Variants in CDK14 observed in about 807,000 individuals in gnomAD.
CDK14 encodes cyclin dependent kinase 14.
CDK14 carries 34 observed loss-of-function variants against 60.7 expected under a neutral mutation model. That is an observed-to-expected ratio of 0.56 (90% CI 0.43 to 0.75). The LOEUF (loss-of-function observed/expected upper bound fraction) is 0.75, where lower values mean the gene tolerates loss of function less well. CDK14 is among the 30% of genes least tolerant of loss of function. The pLI, the probability that CDK14 is intolerant of heterozygous loss-of-function variation, is 0.00. For synonymous variants in CDK14, 197 were observed against 203.7 expected, an observed-to-expected ratio of 0.97 and a Z score of 0.28; for missense variants, 482 against 564.1, an observed-to-expected ratio of 0.85 and a Z score of 1.47.
At chr7:90,608,982 T>A (rs1799479943) in intron 2 of CDK14, among the ~76,000 whole-genome samples, 1 of 152,210 alleles carries the variant, frequency 6.6e-6, no homozygotes, top group Admixed American at 6.5e-5. Flanking sequence ...CCCTCTTTGT[T>A]ATTTTATATA....
chr7:90,880,454 G>C (rs1303384217), intron 6 of CDK14, among the ~76,000 whole-genome samples: 1 of 152,154 alleles, frequency 6.6e-6, no homozygotes, highest in Non-Finnish European at 1.5e-5. Context: ...TGAAACCCTA[G>C]GGGGAGGAGT....
Position 91,185,914 on chromosome 7 carries a change from C to A in CDK14, c.*29-21251C>A, listed in dbSNP as rs922607485. Among the ~76,000 whole-genome samples the A allele has an allele frequency of 2.6e-5, 4 of 152,162 alleles. No homozygotes were observed. In the East Asian group the frequency reaches 7.7e-4, roughly 29 times the overall value. The stretch of plus-strand genomic sequence containing the variant: ...ACTTTCTATTCCCACTTCCCCCAAA[C>A]CCCCACAGCCTCAGGCAACTACTCA... On this transcript the variant is annotated intron_variant, in intron 14 of 14. Transcript: ENST00000380050.
intron 4 of CDK14, among the ~76,000 whole-genome samples, chr7:90,778,846 A>ATCTTCCTTCCTT (rs1554335028): frequency 7.8e-6 from 1 of 127,864 alleles, no homozygotes; most frequent in African/African-American, 3.1e-5. Flanking sequence ...AAATTGACCG[A>ATCTTCCTTCCTT]CCTTCCTTCC....
intron 2 of CDK14, among the ~76,000 whole-genome samples, chr7:90,723,539 A>G (rs1802531374): frequency 6.6e-6 from 1 of 152,192 alleles, no homozygotes; most frequent in Admixed American, 6.5e-5. Context: ...GCACCAAAAT[A>G]GAAGAAACAT....
At chr7:91,051,016 A>C (rs567787007) in intron 11 of CDK14, among the ~76,000 whole-genome samples, 1 of 152,328 alleles carries the variant, frequency 6.6e-6, no homozygotes, top group Non-Finnish European at 1.5e-5. Context: ...GTCCTTCTAA[A>C]GAACAGTTTA....
chr7:90,863,232 A>G lies in CDK14; in HGVS notation c.602A>G (p.His201Arg), dbSNP rs950528805. Reference protein sequence around the residue: ...ANIVLLHDIIHTKETLTLVFE... With the variant: ...ANIVLLHDIIRTKETLTLVFE... ...ATAGTGCTACTTCATGACATCATCC[A>G]TACCAAGGAGACGCTGACACTTGTG... Residue 201 changes from histidine to arginine, a missense_variant, in exon 6 of 15, where the codon CAT (histidine) becomes CGT (arginine). His to Arg is a conservative substitution (Grantham distance 29). Coordinates refer to ENST00000380050, the MANE Select transcript of CDK14 (RefSeq NM_001287135.2). 1.2e-6 allele frequency: 2 copies of G among 1,609,544 alleles called. No individual in the cohort carries two copies. The highest frequency in any genetic ancestry group is 1.7e-6 in the Non-Finnish European group (2 of 1,176,578).
In CDK14 at chr7:91,068,194, A is replaced by G. The variant is rs573767504; in HGVS notation, c.1106-11238A>G. Among the ~76,000 whole-genome samples, 101 of 152,358 alleles carry G rather than the reference A, an allele frequency of 6.6e-4. 2 individuals carry two copies. In the South Asian group the frequency reaches 0.018, roughly 27 times the overall value. The stretch of plus-strand genomic sequence containing the variant: ...TGTTGCATCTTGTAAAATGCAGCCT[A>G]GTAGAGAATAAACTCAGAAATTAGA... On this transcript the variant is annotated intron_variant, in intron 11 of 14. Transcript: ENST00000380050.
intron 10 of CDK14, among the ~76,000 whole-genome samples, chr7:91,012,487 C>A (rs1348036270): frequency 2.6e-5 from 4 of 152,186 alleles, no homozygotes; most frequent in Admixed American, 1.3e-4. Flanking sequence ...TCCTGGACTT[C>A]CAGCTATGTG....
intron 5 of CDK14, among the ~76,000 whole-genome samples, chr7:90,827,575 G>A (rs192878789): frequency 9.9e-5 from 15 of 152,274 alleles, no homozygotes; most frequent in Admixed American, 9.2e-4. Context: ...ATAGAACACG[G>A]AGGGTTTAAA....
intron 6 of CDK14, among the ~76,000 whole-genome samples, chr7:90,893,423 G>T (rs763593622): frequency 6.6e-6 from 1 of 152,188 alleles, no homozygotes. Flanking sequence ...GAAATAGCCA[G>T]AGATCAAGCC....
intron 7 of CDK14, among the ~76,000 whole-genome samples, chr7:90,915,053 T>G (rs1584118706): frequency 6.6e-6 from 1 of 151,546 alleles, no homozygotes; most frequent in South Asian, 2.1e-4. Flanking sequence ...CTTGCAGGGG[T>G]GGTCAGGGAA....
In CDK14 at chr7:91,043,014, C is replaced by T. The variant is rs1326495629; in HGVS notation, c.1042-2883C>T. Among the ~76,000 whole-genome samples, 6 of 152,122 alleles carry T rather than the reference C, an allele frequency of 3.9e-5. No homozygotes were observed. In the South Asian group the frequency reaches 1.0e-3, roughly 26 times the overall value. On this transcript the variant is annotated intron_variant, in intron 10 of 14. Transcript: ENST00000380050. ...TTTGCCCACTTTCTGCCCACTTTGC[C>T]TTTTCTGTGTAAATGGTTCAGGGTT...
intron 5 of CDK14, among the ~76,000 whole-genome samples, chr7:90,852,958 T>G (rs939340136): frequency 6.6e-6 from 1 of 152,224 alleles, no homozygotes; most frequent in Non-Finnish European, 1.5e-5. Flanking sequence ...CAGCTTTGAC[T>G]TTGTTTCAGT....
Position 91,079,635 on chromosome 7 carries a change from T to C in CDK14, c.1154+155T>C, listed in dbSNP as rs747072320. ...CTGCTGTTAAACCTTAACTGTGTGC[T>C]AGCTACTATGTTCAGCCTGAGCCAA... is the stretch of plus-strand genomic sequence containing the variant. On this transcript the variant is annotated intron_variant, in intron 12 of 14. Transcript: ENST00000380050. Among the ~76,000 whole-genome samples the C allele has an allele frequency of 2.3e-4, 35 of 152,328 alleles. No individual in the cohort carries two copies. In the Middle Eastern group the frequency reaches 0.014, roughly 59 times the overall value.
At chr7:90,597,015 G>T (rs1399260776) in intron 1 of CDK14, among the ~76,000 whole-genome samples, 1 of 152,114 alleles carries the variant, frequency 6.6e-6, no homozygotes, top group Non-Finnish European at 1.5e-5. Context: ...ACGGGCGAGG[G>T]GACCCCTCGG....
intron 11 of CDK14, among the ~76,000 whole-genome samples, chr7:91,046,170 T>C (rs1355920661): frequency 6.6e-6 from 1 of 152,146 alleles, no homozygotes; most frequent in Non-Finnish European, 1.5e-5. Flanking sequence ...ATTTTCACCA[T>C]ATATACTTTA....
At chr7:91,094,464 T>C (rs1168178954) in intron 12 of CDK14, among the ~76,000 whole-genome samples, 1 of 152,158 alleles carries the variant, frequency 6.6e-6, no homozygotes, top group Non-Finnish European at 1.5e-5. Context: ...GCTACACTTG[T>C]TCACGGCACA....
At chr7:90,830,592 A>T (rs1789883922) in intron 5 of CDK14, among the ~76,000 whole-genome samples, 1 of 152,194 alleles carries the variant, frequency 6.6e-6, no homozygotes, top group African/African-American at 2.4e-5. Context: ...TAATCTCTGC[A>T]GCTGGCTTGA....
chr7:90,670,760 C>T (rs1016713874), intron 2 of CDK14, among the ~76,000 whole-genome samples: 6 of 152,078 alleles, frequency 3.9e-5, no homozygotes, highest in African/African-American at 1.4e-4. Flanking sequence ...ACCCAAAGAC[C>T]TCCTCCCACA....
Sources: gnomAD v4.1 joint callset for allele counts (sites outside exome capture counted in the v4.1 genomes callset) on GRCh38, gnomAD v4.1.1 for gene constraint, MANE v1.5 for transcripts, NCBI Gene and HGNC (gene_info 2026-07-23, HGNC 2026-07-21) for gene names.